LRIF1: variants seen among roughly 807,000 people sequenced by gnomAD.
LRIF1 encodes ligand dependent nuclear receptor interacting factor 1, also known as ligand-dependent nuclear receptor-interacting factor 1.
LRIF1 carries 32 observed loss-of-function variants against 52.7 expected under a neutral mutation model. That is an observed-to-expected ratio of 0.61 (90% CI 0.46 to 0.82). The LOEUF is 0.82. Among genes scored for constraint, LRIF1 ranks in the 40% least tolerant of loss-of-function variants. The pLI, the probability that LRIF1 is intolerant of heterozygous loss-of-function variation, is 0.00. For missense variants in LRIF1, 887 were observed against 892.0 expected (o/e 0.99, Z 0.07); for synonymous variants, 323 against 317.4 (o/e 1.02, Z -0.19).
intron 1 of LRIF1, among the ~76,000 whole-genome samples, chr1:110,962,529 C>T (rs2101126792): frequency 6.6e-6 from 1 of 152,244 alleles, no homozygotes; most frequent in African/African-American, 2.4e-5. Context: ...GGGCTAAAAT[C>T]TGTACAGAAT....
intron 3 of LRIF1, among the ~76,000 whole-genome samples, 176 bp from the exon 4 acceptor site, chr1:110,948,575 G>A (rs1658314125): frequency 6.6e-6 from 1 of 152,160 alleles, no homozygotes; most frequent in Non-Finnish European, 1.5e-5. Flanking sequence ...GTACCAAAAT[G>A]TCTTAATCAT....
chr1:110,909,108 T>C, the LRIF1 span, among the ~76,000 whole-genome samples: 1 of 152,116 alleles, frequency 6.6e-6, no homozygotes, highest in Non-Finnish European at 1.5e-5. Context: ...ATCAAGAACT[T>C]CGTATCTAGC....
chr1:110,925,338 C>T, the LRIF1 span, among the ~76,000 whole-genome samples: 41 of 152,296 alleles, frequency 2.7e-4, no homozygotes, highest in Non-Finnish European at 4.3e-4. Context: ...AGGTCAGTCT[C>T]CAACCTGTCA....
chr1:110,960,330 TCA>T (rs1002696153), intron 1 of LRIF1, among the ~76,000 whole-genome samples: 6 of 151,806 alleles, frequency 4.0e-5, no homozygotes, highest in East Asian at 1.9e-4. Context: ...TGTCTCTCCC[TCA>T]CACACACACA....
intron 1 of LRIF1, among the ~76,000 whole-genome samples, chr1:110,956,197 T>C (rs745813601): frequency 5.3e-5 from 8 of 152,138 alleles, no homozygotes; most frequent in African/African-American, 1.2e-4. Context: ...CAGAAGATAT[T>C]AGAGTTGCCA....
chr1:110,886,869 A>ATATATATATATATT, the LRIF1 span, among the ~76,000 whole-genome samples: 41 of 82,782 alleles, frequency 5.0e-4, no homozygotes, highest in South Asian at 2.1e-3. Flanking sequence ...ATATATATAT[A>ATATATATATATATT]TTTTTTTTTT....
In LRIF1 at chr1:110,962,061, T is replaced by TACACACACACACAC. The variant is rs59351644; in HGVS notation, c.68+1546_68+1559dup. 1.3e-3 allele frequency among the ~76,000 whole-genome samples: 180 copies of TACACACACACACAC among 143,890 alleles called. 1 individual carries two copies. The highest frequency in any genetic ancestry group is 3.4e-3 in the East Asian group (17 of 4,938). The allele number at this position is 143,890 out of a possible 152,430, so 94.4% of individuals were successfully genotyped here. A position where few individuals can be genotyped will look rare whatever the true frequency, so the allele number is the denominator to read the frequency against. ...AGAAACTGGATAACAGAGTTAAGGG[T>TACACACACACACAC]ACACACACACACACACACACACACA... On this transcript the variant is annotated intron_variant, in intron 1 of 3. Coordinates refer to ENST00000369763, the MANE Select transcript of LRIF1 (RefSeq NM_018372.4).
the LRIF1 span, among the ~76,000 whole-genome samples, chr1:110,924,086 G>A: frequency 3.3e-5 from 5 of 151,978 alleles, no homozygotes; most frequent in African/African-American, 1.2e-4. Flanking sequence ...AGATATAAAA[G>A]TATTGTGAAT....
chr1:110,930,059 C>T, the LRIF1 span, among the ~76,000 whole-genome samples: 1 of 152,200 alleles, frequency 6.6e-6, no homozygotes, highest in Non-Finnish European at 1.5e-5. Flanking sequence ...ATATTATTAA[C>T]TAAACTACAG....
chr1:110,932,348 G>GT, the LRIF1 span, among the ~76,000 whole-genome samples: 1 of 152,150 alleles, frequency 6.6e-6, no homozygotes, highest in Non-Finnish European at 1.5e-5. Flanking sequence ...CTATATATCT[G>GT]TTTTGGTACC....
the LRIF1 span, among the ~76,000 whole-genome samples, chr1:110,880,666 A>T: frequency 0.26 from 40,133 of 152,006 alleles, 5,718 homozygotes; most frequent in Non-Finnish European, 0.32. Flanking sequence ...AAGGCTCCTG[A>T]CTCTGCAGTG....
At chr1:110,901,846 T>C in the LRIF1 span, among the ~76,000 whole-genome samples, 18 of 152,342 alleles carry the variant, frequency 1.2e-4, no homozygotes, top group East Asian at 3.3e-3. Context: ...AAACTTATCA[T>C]TCTATCTTCC....
At chr1:110,943,483 T>G (rs569757927), downstream of LRIF1, 2 of 152,328 alleles carry the variant, frequency 1.3e-5, no homozygotes, top group African/African-American at 4.8e-5. Flanking sequence ...AGATGCAATA[T>G]ATTTATTAGG....
In LRIF1 at chr1:110,947,851, A is replaced by G; in HGVS notation, c.*108T>C. ...AGTTGTACAATCGACTGATGAAAAA[A>G]CAAGCTTCATATTCAAAGACACTTT... On this transcript the variant is annotated 3_prime_UTR_variant, in exon 4 of 4. Transcript: ENST00000369763. 2 of 1,424,976 alleles carry G rather than the reference A, an allele frequency of 1.4e-6. No homozygotes were observed. Among genetic ancestry groups the G allele is most frequent in the South Asian group, 1.5e-5 (1 of 66,444 alleles). The allele number at this position is 1,424,976 out of a possible 1,614,324, so 88.3% of individuals were successfully genotyped here. A position where few individuals can be genotyped will look rare whatever the true frequency, so the allele number is the denominator to read the frequency against.
the LRIF1 span, among the ~76,000 whole-genome samples, chr1:110,920,757 G>C: frequency 6.6e-6 from 1 of 152,192 alleles, no homozygotes; most frequent in Admixed American, 6.5e-5. Context: ...GCTGTCGATA[G>C]TGGAAGAAGC....
intron 1 of LRIF1, 66 bp from the exon 2 acceptor site, chr1:110,952,881 AAT>A: frequency 1.3e-6 from 1 of 751,324 alleles, no homozygotes; most frequent in Non-Finnish European, 1.8e-6. Flanking sequence ...TTTAAAAATA[AAT>A]ATTTGTAAAT....
At chr1:110,914,007 T>C in the LRIF1 span, among the ~76,000 whole-genome samples, 1 of 152,164 alleles carries the variant, frequency 6.6e-6, no homozygotes, top group Non-Finnish European at 1.5e-5. Context: ...TGGATGCTTC[T>C]GGAGTCCATT....
chr1:110,898,945 C>T, the LRIF1 span, among the ~76,000 whole-genome samples: 1 of 152,178 alleles, frequency 6.6e-6, no homozygotes, highest in African/African-American at 2.4e-5. Flanking sequence ...CCCCGTTTCT[C>T]TCCTCACTGC....
At chr1:110,921,861 T>C in the LRIF1 span, among the ~76,000 whole-genome samples, 1 of 152,194 alleles carries the variant, frequency 6.6e-6, no homozygotes, top group Non-Finnish European at 1.5e-5. Context: ...GGGGTATATG[T>C]GAAGGTTTGG....
Sources: allele counts gnomAD v4.1 joint callset (sites outside exome capture counted in the v4.1 genomes callset), GRCh38; gene constraint gnomAD v4.1.1; transcripts MANE v1.5; gene names NCBI Gene and HGNC (gene_info 2026-07-23, HGNC 2026-07-21).